The following BBS9 variants were observed in gnomAD, a reference collection of about 807,000 sequenced individuals.
BBS9 encodes the protein Bardet-Biedl syndrome 9, also known as protein PTHB1.
In BBS9, 89 loss-of-function variants were observed where a neutral mutation model predicts 117.7. The observed-to-expected ratio is 0.76, with a 90% confidence interval of 0.64 to 0.90. The LOEUF (loss-of-function observed/expected upper bound fraction) is 0.90, where lower values mean the gene tolerates loss of function less well. Ranked by LOEUF, BBS9 falls within the 40% of genes least tolerant of loss-of-function variation. BBS9 has a pLI of 0.00. For missense variants in BBS9, 982 were observed against 1,042.2 expected (o/e 0.94, Z 0.80); for synonymous variants, 379 against 370.9 (o/e 1.02, Z -0.25).
intron 21 of BBS9, among the ~76,000 whole-genome samples, chr7:33,584,689 A>C (rs1292426065): frequency 6.6e-6 from 1 of 152,090 alleles, no homozygotes; most frequent in Non-Finnish European, 1.5e-5. Context: ...TATGATTCTG[A>C]GTTTGAATTA....
chr7:33,294,659 A>G (rs1410840139), intron 9 of BBS9, among the ~76,000 whole-genome samples: 1 of 152,190 alleles, frequency 6.6e-6, no homozygotes, highest in Admixed American at 6.5e-5. Context: ...CACATTTAGA[A>G]GCTTTTATGC....
At chr7:33,619,741 C>T (rs1585489793) in intron 21 of BBS9, among the ~76,000 whole-genome samples, 1 of 151,980 alleles carries the variant, frequency 6.6e-6, no homozygotes, top group African/African-American at 2.4e-5. Flanking sequence ...CAAAATACTC[C>T]TGAATAACCA....
chr7:33,597,534 T>G (rs1039374444), intron 21 of BBS9, among the ~76,000 whole-genome samples: 3 of 152,104 alleles, frequency 2.0e-5, no homozygotes, highest in African/African-American at 7.2e-5. Context: ...ATTACAAAGG[T>G]CACTATTGCA....
chr7:33,314,408 CAT>C (rs1328757478), intron 9 of BBS9: 1 of 288,114 alleles, frequency 3.5e-6, no homozygotes, highest in African/African-American at 2.3e-5. Context: ...CTATTATTTG[CAT>C]AGTCTTTTGG....
chr7:33,616,397 G>A (rs1386139893), intron 21 of BBS9, among the ~76,000 whole-genome samples: 1 of 149,656 alleles, frequency 6.7e-6, no homozygotes, highest in Non-Finnish European at 1.5e-5. Context: ...AGTGGACTTG[G>A]ATTAGTTGTA....
chr7:33,276,512 G>A (rs566431301), intron 9 of BBS9, among the ~76,000 whole-genome samples: 40 of 152,290 alleles, frequency 2.6e-4, no homozygotes, highest in African/African-American at 9.1e-4. Context: ...AACCACAAAA[G>A]GTAAGGGAGC....
chr7:33,586,087 T>C (rs1189699304), intron 21 of BBS9, among the ~76,000 whole-genome samples: 2 of 151,970 alleles, frequency 1.3e-5, no homozygotes, highest in African/African-American at 4.8e-5. Flanking sequence ...AATGAAGAAA[T>C]AGAAACTCAA....
chr7:33,573,267 T>G (rs10270266), intron 21 of BBS9, among the ~76,000 whole-genome samples: 54,380 of 151,960 alleles, frequency 0.36, 14,132 homozygotes, highest in African/African-American at 0.73. Context: ...TGAGTAGTAG[T>G]TGTGCTTATT....
At chr7:33,620,437 T>C (rs1339792358) in intron 21 of BBS9, among the ~76,000 whole-genome samples, 2 of 151,874 alleles carry the variant, frequency 1.3e-5, no homozygotes, top group African/African-American at 4.8e-5. Context: ...CATATAAAAA[T>C]CTGTAGCATT....
intron 9 of BBS9, among the ~76,000 whole-genome samples, chr7:33,289,825 C>G (rs1445682319): frequency 6.6e-6 from 1 of 152,130 alleles, no homozygotes; most frequent in Non-Finnish European, 1.5e-5. Flanking sequence ...GGGCAGATCA[C>G]TAGGTCAAGA....
At chr7:33,246,316 C>T (rs1342981949) in intron 5 of BBS9, among the ~76,000 whole-genome samples, 1 of 149,576 alleles carries the variant, frequency 6.7e-6, no homozygotes, top group Non-Finnish European at 1.5e-5. Flanking sequence ...TTTTCCACAA[C>T]ATTAATTAAT....
chr7:33,514,249 G>A (rs1847400473), intron 20 of BBS9, among the ~76,000 whole-genome samples: 1 of 152,174 alleles, frequency 6.6e-6, no homozygotes, highest in African/African-American at 2.4e-5. Flanking sequence ...ATTCCCCAAG[G>A]ACTGGTTCTG....
At chr7:33,161,759 T>C (rs1456773857) in intron 4 of BBS9, among the ~76,000 whole-genome samples, 1 of 152,228 alleles carries the variant, frequency 6.6e-6, no homozygotes, top group Non-Finnish European at 1.5e-5. Flanking sequence ...CATTCCTATT[T>C]CTCCTCATCC....
chr7:33,410,254 G>A (rs912867638), intron 19 of BBS9, among the ~76,000 whole-genome samples: 60 of 152,124 alleles, frequency 3.9e-4, no homozygotes, highest in South Asian at 2.1e-4. Flanking sequence ...TCTTTAGGGC[G>A]TGGAATCCAG....
In BBS9 at chr7:33,361,618, A is replaced by G. The variant is rs532014485; in HGVS notation, c.1693+3623A>G. On this transcript the variant is annotated intron_variant, in intron 16 of 22. Transcript: ENST00000242067. ...AATTTTTGATATTATTAGGTAAAAAATGACATTTCATTTTTAACTTGAATT... is the reference window on the plus strand; with the variant it reads ...AATTTTTGATATTATTAGGTAAAAAGTGACATTTCATTTTTAACTTGAATT... 3.3e-5 allele frequency among the ~76,000 whole-genome samples: 5 copies of G among 152,280 alleles called. No individual in the cohort carries two copies. In the East Asian group the frequency reaches 7.7e-4, roughly 23 times the overall value.
rs150736523 is a variant in BBS9, at chr7:33,280,911, G to GT, written c.1016+6974dup. 3.7e-3 allele frequency among the ~76,000 whole-genome samples: 293 copies of GT among 79,406 alleles called. 6 individuals are homozygous for GT. In the South Asian group the frequency reaches 0.047, roughly 13 times the overall value. 52.1% of individuals were successfully genotyped at this position (79,406 alleles called of 152,430 possible). On this transcript the variant is annotated intron_variant, in intron 9 of 22. Coordinates refer to ENST00000242067, the MANE Select transcript of BBS9 (RefSeq NM_198428.3). ...GTTTTGCTGTTAATTTGTCGTTTTTGTTTTTTTTTTTTTTTTTTTGCATTA... is the reference window on the plus strand; with the variant it reads ...GTTTTGCTGTTAATTTGTCGTTTTTGTTTTTTTTTTTTTTTTTTTTGCATTA...
At chr7:33,554,844 A>G (rs1855036012) in intron 21 of BBS9, among the ~76,000 whole-genome samples, 1 of 152,136 alleles carries the variant, frequency 6.6e-6, no homozygotes, top group Non-Finnish European at 1.5e-5. Context: ...TCCAACATCT[A>G]GAGGTCAGGT....
At chr7:33,314,822 T>C (rs1014547369) in intron 9 of BBS9, among the ~76,000 whole-genome samples, 1 of 152,156 alleles carries the variant, frequency 6.6e-6, no homozygotes, top group Non-Finnish European at 1.5e-5. Flanking sequence ...GATGCTATTA[T>C]AGAAAAACTA....
intron 21 of BBS9, among the ~76,000 whole-genome samples, chr7:33,569,545 G>A (rs959902617): frequency 6.6e-6 from 1 of 151,762 alleles, no homozygotes; most frequent in African/African-American, 2.4e-5. Flanking sequence ...CACGAGGTCA[G>A]GAGATCGAGA....
Sources: allele counts gnomAD v4.1 joint callset (sites outside exome capture counted in the v4.1 genomes callset), GRCh38; gene constraint gnomAD v4.1.1; transcripts MANE v1.5; gene names NCBI Gene and HGNC (gene_info 2026-07-23, HGNC 2026-07-21).